Variants in BAZ2B observed in about 807,000 individuals in gnomAD.
BAZ2B encodes bromodomain adjacent to zinc finger domain protein 2B.
Under a neutral mutation model 246.0 loss-of-function variants are expected in BAZ2B, and 91 were observed. The observed-to-expected ratio is 0.37, with a 90% CI of 0.31 to 0.44. BAZ2B has a LOEUF of 0.44. Ranked by LOEUF, BAZ2B falls within the 20% of genes least tolerant of loss-of-function variation. The probability of loss-of-function intolerance (pLI) is 1.00; values close to 1 mark genes in which losing one functional copy is unlikely to be tolerated. For missense variants in BAZ2B, 2,332 were observed against 2,533.7 expected (o/e 0.92, Z 1.71); for synonymous variants, 855 against 860.0 (o/e 0.99, Z 0.10).
chr2:159,355,500 T>C (rs2059011045), intron 27 of BAZ2B, among the ~76,000 whole-genome samples: 2 of 152,202 alleles, frequency 1.3e-5, no homozygotes, highest in Admixed American at 6.5e-5. Context: ...GATTCTCACA[T>C]TTCCATGGTA....
At chr2:159,389,256 C>T in intron 21 of BAZ2B, 89 bp downstream of exon 21, 1 of 1,305,414 alleles carries the variant, frequency 7.7e-7, no homozygotes, top group East Asian at 2.6e-5. Flanking sequence ...GAAAGGCTTT[C>T]ACAATAGCAG....
rs1466912526 is a variant in BAZ2B, at chr2:159,336,831, T to C, written c.5796+111A>G. 4 of 951,632 alleles carry C rather than the reference T, an allele frequency of 4.2e-6. No homozygotes were observed. In the East Asian group the frequency reaches 1.1e-4, roughly 27 times the overall value. 58.9% of individuals were successfully genotyped at this position (951,632 alleles called of 1,614,324 possible). A position where few individuals can be genotyped will look rare whatever the true frequency, so the allele number is the denominator to read the frequency against. On this transcript the variant is annotated intron_variant, in intron 33 of 36. Coordinates refer to ENST00000392783, the MANE Select transcript of BAZ2B (RefSeq NM_013450.4). Reference sequence around the variant, plus strand: ...TTAGAATTAGAAAAACTCTCAAGTATAGCATACATTATTATGACAATAGGT... The same window carrying C: ...TTAGAATTAGAAAAACTCTCAAGTACAGCATACATTATTATGACAATAGGT...
chr2:159,629,678 A>C, the BAZ2B span, among the ~76,000 whole-genome samples: 27 of 151,536 alleles, frequency 1.8e-4, no homozygotes, highest in South Asian at 4.2e-4. Context: ...CTGTTGGGGG[A>C]TAGGGGGCTA....
the BAZ2B span, among the ~76,000 whole-genome samples, chr2:159,650,416 G>C: frequency 2.6e-5 from 4 of 151,996 alleles, no homozygotes; most frequent in Non-Finnish European, 4.4e-5. Context: ...TAAGTTTAGG[G>C]CTAAGGATTC....
intron 2 of BAZ2B, among the ~76,000 whole-genome samples, chr2:159,517,034 T>A (rs1430954466): frequency 4.6e-5 from 7 of 152,076 alleles, no homozygotes; most frequent in Non-Finnish European, 1.0e-4. Context: ...AATTTCTGAG[T>A]TATAATAAAA....
the BAZ2B span, among the ~76,000 whole-genome samples, chr2:159,629,659 C>T: frequency 6.6e-6 from 1 of 151,568 alleles, no homozygotes; most frequent in Non-Finnish European, 1.5e-5. Flanking sequence ...GAACGTCACA[C>T]ACTGGGGCCT....
intron 16 of BAZ2B, among the ~76,000 whole-genome samples, chr2:159,400,865 C>T (rs2064918873): frequency 5.9e-5 from 9 of 152,096 alleles, no homozygotes; most frequent in Admixed American, 5.2e-4. Context: ...ACAGTGAAAC[C>T]TCGTCTCTAC....
intron 25 of BAZ2B, among the ~76,000 whole-genome samples, chr2:159,379,592 T>C (rs936789650): frequency 4.6e-5 from 7 of 152,178 alleles, no homozygotes; most frequent in African/African-American, 1.4e-4. Flanking sequence ...TATGACAACA[T>C]TTTGTACTCA....
chr2:159,609,134 G>A (rs1694155092), intron 1 of BAZ2B, among the ~76,000 whole-genome samples: 1 of 152,120 alleles, frequency 6.6e-6, no homozygotes, highest in Non-Finnish European at 1.5e-5. Context: ...AGACACAAAG[G>A]TGTTCTCCTC....
chr2:159,577,065 A>G (rs1685518720), intron 1 of BAZ2B, among the ~76,000 whole-genome samples: 1 of 151,912 alleles, frequency 6.6e-6, no homozygotes, highest in African/African-American at 2.4e-5. Context: ...CATTTTTCCA[A>G]AAAATTTTAA....
chr2:159,373,300 T>G (rs2061051596), intron 26 of BAZ2B, 111 bp from the exon 27 acceptor site: 8 of 970,012 alleles, frequency 8.2e-6, no homozygotes, highest in Non-Finnish European at 9.8e-6. Context: ...ATTTCACTAC[T>G]GGGAAAAGAG....
intron 20 of BAZ2B, among the ~76,000 whole-genome samples, chr2:159,391,185 T>A (rs997519768): frequency 1.3e-5 from 2 of 152,148 alleles, no homozygotes; most frequent in Non-Finnish European, 2.9e-5. Flanking sequence ...AAAAGCATAT[T>A]AAATATCTCT....
At chr2:159,551,685 T>C (rs1282716086) in intron 2 of BAZ2B, among the ~76,000 whole-genome samples, 2 of 152,194 alleles carry the variant, frequency 1.3e-5, no homozygotes, top group African/African-American at 4.8e-5. Flanking sequence ...TTTATTATAC[T>C]TTCTATAAAT....
At chr2:159,548,958 T>C (rs1045956863) in intron 2 of BAZ2B, among the ~76,000 whole-genome samples, 1 of 152,200 alleles carries the variant, frequency 6.6e-6, no homozygotes, top group African/African-American at 2.4e-5. Flanking sequence ...TTAGGCTCAT[T>C]TACTTCCTCA....
the BAZ2B span, among the ~76,000 whole-genome samples, chr2:159,698,261 C>T: frequency 6.6e-6 from 1 of 151,978 alleles, no homozygotes; most frequent in Non-Finnish European, 1.5e-5. Context: ...GTGGCTCATG[C>T]CTGTAATCCC....
intron 21 of BAZ2B, 29 bp from the exon 22 acceptor site, chr2:159,386,636 T>C: frequency 6.5e-7 from 1 of 1,541,200 alleles, no homozygotes; most frequent in South Asian, 1.2e-5. Context: ...ACAAATAAAA[T>C]AAAAACAGCT....
At chr2:159,354,582 C>G (rs1297691101) in intron 27 of BAZ2B, among the ~76,000 whole-genome samples, 1 of 152,096 alleles carries the variant, frequency 6.6e-6, no homozygotes, top group Non-Finnish European at 1.5e-5. Flanking sequence ...AACTCATGAC[C>G]TCACGTGATC....
At chr2:159,358,128 G>A (rs1047078318) in intron 27 of BAZ2B, among the ~76,000 whole-genome samples, 1 of 152,176 alleles carries the variant, frequency 6.6e-6, no homozygotes, top group African/African-American at 2.4e-5. Flanking sequence ...AACCTTAAAT[G>A]TAAACAGGCT....
chr2:159,591,178 TAC>T (rs1315139147), intron 1 of BAZ2B, among the ~76,000 whole-genome samples: 6 of 152,208 alleles, frequency 3.9e-5, no homozygotes, highest in Non-Finnish European at 7.3e-5. Flanking sequence ...GTATAACCAT[TAC>T]ACAGAAATGA....
Sources: allele counts gnomAD v4.1 joint callset (sites outside exome capture counted in the v4.1 genomes callset), GRCh38; gene constraint gnomAD v4.1.1; transcripts MANE v1.5; gene names NCBI Gene and HGNC (gene_info 2026-07-23, HGNC 2026-07-21).